The following PRXL2C variants were observed in gnomAD, a reference collection of about 807,000 sequenced individuals.
PRXL2C encodes peroxiredoxin-like 2C.
A neutral mutation model predicts 24.9 loss-of-function variants in PRXL2C; 38 were observed. The observed-to-expected ratio is 1.53, with a 90% CI of 1.18 to 2.00. PRXL2C has a LOEUF of 2.00. Ranked by LOEUF, PRXL2C falls within the 30% of genes most tolerant of loss-of-function variation. The probability of loss-of-function intolerance (pLI) is 0.00; values close to 1 mark genes in which losing one functional copy is unlikely to be tolerated. For missense variants in PRXL2C, 294 were observed against 290.9 expected (o/e 1.01, Z -0.08); for synonymous variants, 98 against 117.2 (o/e 0.84, Z 1.06).
intron 2 of PRXL2C, among the ~76,000 whole-genome samples, chr9:96,654,253 C>T (rs1269216773): frequency 2.0e-5 from 3 of 152,188 alleles, no homozygotes; most frequent in African/African-American, 7.2e-5. Flanking sequence ...CTCACTTGGG[C>T]ACAAACCTAT....
intron 2 of PRXL2C, among the ~76,000 whole-genome samples, chr9:96,653,215 A>T (rs1022671069): frequency 1.3e-5 from 2 of 150,630 alleles, no homozygotes; most frequent in African/African-American, 5.0e-5. Context: ...CGATAGAGTG[A>T]GACTCCATCT....
chr9:96,646,158 G>A (rs1172174147), intron 4 of PRXL2C, 134 bp from the exon 5 acceptor site: 1 of 1,047,862 alleles, frequency 9.5e-7, no homozygotes, highest in Non-Finnish European at 1.3e-6. Context: ...CAACATTTTG[G>A]CTCAGATCAT....
At chr9:96,653,244 A>AG (rs1259746326) in intron 2 of PRXL2C, among the ~76,000 whole-genome samples, 5 of 128,910 alleles carry the variant, frequency 3.9e-5, no homozygotes, top group African/African-American at 2.5e-4. Flanking sequence ...AAAAAAGAAG[A>AG]AAAGAAAATA....
rs533843804 is a variant in PRXL2C, at chr9:96,649,564, CAAAACAA to C, written c.421+1819_421+1825del. Among the ~76,000 whole-genome samples, 28 of 120,146 alleles carry C rather than the reference CAAAACAA, an allele frequency of 2.3e-4. 2 individuals are homozygous for C. The highest frequency in any genetic ancestry group is 2.3e-3 in the South Asian group (11 of 4,772). 78.8% of individuals were successfully genotyped at this position (120,146 alleles called of 152,430 possible). On this transcript the variant is annotated intron_variant, in intron 4 of 5. Coordinates refer to ENST00000375234, the MANE Select transcript of PRXL2C (RefSeq NM_153698.2). ...AGACAACAAGAGTGAAACTCTGTTT[CAAAACAA>C]AAAACAAAAAACAAAAAAAAACCCA...
At chr9:96,650,342 T>C (rs1848251411) in intron 4 of PRXL2C, among the ~76,000 whole-genome samples, 1 of 152,198 alleles carries the variant, frequency 6.6e-6, no homozygotes, top group Non-Finnish European at 1.5e-5. Context: ...AATTGAGTTC[T>C]CTTATCTGGC....
At chr9:96,654,935 G>GCCCTCT (rs1588104909) in intron 1 of PRXL2C, 155 bp downstream of exon 1, 1 of 1,191,566 alleles carries the variant, frequency 8.4e-7, no homozygotes, top group Non-Finnish European at 1.1e-6. Flanking sequence ...CCTCGCCCTC[G>GCCCTCT]CCCTCTCCCT....
intron 3 of PRXL2C, 59 bp from the exon 4 acceptor site, chr9:96,651,554 C>T: frequency 1.9e-6 from 3 of 1,560,098 alleles, no homozygotes; most frequent in Non-Finnish European, 2.6e-6. Flanking sequence ...AGTAATGATA[C>T]TCTAACTTCA....
In PRXL2C at chr9:96,648,574, A is replaced by C. The variant is rs1438166528; in HGVS notation, c.422-2550T>G. On this transcript the variant is annotated intron_variant, in intron 4 of 5. Transcript: ENST00000375234. ...GGAGAAACCTCAAAAAAATTATTTTATGAGAACCTAATATTTTGTTTGGCA... is the reference window on the plus strand; with the variant it reads ...GGAGAAACCTCAAAAAAATTATTTTCTGAGAACCTAATATTTTGTTTGGCA... Among the ~76,000 whole-genome samples the C allele has an allele frequency of 2.6e-5, 4 of 152,136 alleles. No homozygotes were observed. In the South Asian group the frequency reaches 6.2e-4, roughly 24 times the overall value.
chr9:96,645,119 C>T (rs1007311905), intron 5 of PRXL2C, among the ~76,000 whole-genome samples: 1 of 151,380 alleles, frequency 6.6e-6, no homozygotes, highest in Non-Finnish European at 1.5e-5. Context: ...CCGTGTTAGC[C>T]AGGATGGTCT....
chr9:96,644,131 CA>C (rs541207643), intron 5 of PRXL2C, among the ~76,000 whole-genome samples: 583 of 58,280 alleles, frequency 0.01, 7 homozygotes, highest in South Asian at 0.042. Context: ...GGCTCTGTCT[CA>C]AAAAAAAAAA....
chr9:96,641,708 GA>G lies in PRXL2C; in HGVS notation c.*50del. The G allele has an allele frequency of 6.6e-7, 1 of 1,505,326 alleles. No homozygotes were observed. Among genetic ancestry groups the G allele is most frequent in the South Asian group, 1.3e-5 (1 of 74,784 alleles). The allele number at this position is 1,505,326 out of a possible 1,614,324, so 93.2% of individuals were successfully genotyped here. A position where few individuals can be genotyped will look rare whatever the true frequency, so the allele number is the denominator to read the frequency against. On this transcript the variant is annotated 3_prime_UTR_variant, in exon 6 of 6. Coordinates refer to ENST00000375234, the MANE Select transcript of PRXL2C (RefSeq NM_153698.2). ...CACGAGGATATTACACCCAGGCATT[GA>G]AGGTCACATTCCAGAAGGTCCAGTT...
rs894704955 is a variant in PRXL2C at position 96,645,713 on chromosome 9, C to T, written c.553+180G>A. ...TCGGGAGGCTGAGGCAGGAGAATGG[C>T]GTGAACCCGGGAGGCAGAGCTTGCA... On this transcript the variant is annotated intron_variant, in intron 5 of 5. Coordinates refer to ENST00000375234, the MANE Select transcript of PRXL2C (RefSeq NM_153698.2). 2.7e-5 allele frequency among the ~76,000 whole-genome samples: 4 copies of T among 150,898 alleles called. No homozygotes were observed. The Admixed American group carries it at 2.7e-4, about 10-fold the overall frequency.
chr9:96,645,955 C>T lies in PRXL2C; in HGVS notation c.491G>A (p.Gly164Asp). 1.2e-6 allele frequency: 2 copies of T among 1,613,776 alleles called. No homozygotes were observed. Among genetic ancestry groups the T allele is most frequent in the Non-Finnish European group, 1.7e-6 (2 of 1,179,926 alleles). Reference sequence around the variant, plus strand: ...GTCTCCTTGAAAATCAAAGAGAGGGCCAGTCACTGCCCGCCACAGGCTCTG... The same window carrying T: ...GTCTCCTTGAAAATCAAAGAGAGGGTCAGTCACTGCCCGCCACAGGCTCTG... ...SLQSLWRAVTGPLFDFQGDPA... is the reference protein window; with the variant it reads ...SLQSLWRAVTDPLFDFQGDPA... The change falls in exon 5 of 6, where the codon GGC (glycine) becomes GAC (aspartate). Residue 164 changes from glycine (G) to aspartate (D), a missense_variant. Gly to Asp is a moderately conservative substitution (Grantham distance 94, BLOSUM62 -1). Transcript: ENST00000375234.
rs147850914 is a variant in PRXL2C at position 96,649,821 on chromosome 9, C to A, written c.421+1569G>T. ...AAACACTTGTATAATTCCCCAGCTG[C>A]TTCATAATAAATCCAAACTCCTTGG... On this transcript the variant is annotated intron_variant, in intron 4 of 5. Transcript: ENST00000375234. 3.7e-4 allele frequency among the ~76,000 whole-genome samples: 57 copies of A among 152,268 alleles called. No individual in the cohort carries two copies. The East Asian group carries it at 9.8e-3, about 26-fold the overall frequency.
At chr9:96,650,299 T>C (rs556770997) in intron 4 of PRXL2C, among the ~76,000 whole-genome samples, 1 of 152,352 alleles carries the variant, frequency 6.6e-6, no homozygotes, top group South Asian at 2.1e-4. Context: ...AAGAGGTCGA[T>C]AATATTTATT....
intron 4 of PRXL2C, among the ~76,000 whole-genome samples, chr9:96,646,826 C>T (rs1235489533): frequency 2.0e-5 from 3 of 152,084 alleles, no homozygotes; most frequent in Non-Finnish European, 2.9e-5. Context: ...GTTTCACTCT[C>T]GTTGCCCAGG....
In PRXL2C at chr9:96,651,814, T is replaced by C. The variant is rs1358819329; in HGVS notation, c.262-102A>G. 4.4e-5 allele frequency: 43 copies of C among 971,836 alleles called. No individual in the cohort carries two copies. The South Asian group carries it at 6.2e-4, about 14-fold the overall frequency. The allele number at this position is 971,836 out of a possible 1,614,324, so 60.2% of individuals were successfully genotyped here. A position where few individuals can be genotyped will look rare whatever the true frequency, so the allele number is the denominator to read the frequency against. Reference sequence around the variant, plus strand: ...TTATGTTTCATTCTAATGCCACCTATAGGCTTCTAGAGGAATGGAATACAC... The same window carrying C: ...TTATGTTTCATTCTAATGCCACCTACAGGCTTCTAGAGGAATGGAATACAC... On this transcript the variant is annotated intron_variant, in intron 2 of 5. Transcript: ENST00000375234.
chr9:96,654,974 A>C, intron 1 of PRXL2C, 116 bp downstream of exon 1: 1 of 1,288,414 alleles, frequency 7.8e-7, no homozygotes, highest in Middle Eastern at 2.7e-4. Flanking sequence ...AGCGGCCGCG[A>C]CTGGGCAGGC....
At chr9:96,642,053 G>T (rs1172936360) in intron 5 of PRXL2C, among the ~76,000 whole-genome samples, 167 bp from the exon 6 acceptor site, 1 of 151,954 alleles carries the variant, frequency 6.6e-6, no homozygotes, top group Non-Finnish European at 1.5e-5. Flanking sequence ...TTAAATCATG[G>T]TAATAAAGTA....
Sources: allele counts gnomAD v4.1 joint callset (sites outside exome capture counted in the v4.1 genomes callset), GRCh38; gene constraint gnomAD v4.1.1; transcripts MANE v1.5; gene names NCBI Gene and HGNC (gene_info 2026-07-23, HGNC 2026-07-21).